VEGFB: variants seen among roughly 807,000 people sequenced by gnomAD.
VEGFB encodes VEGF-related factor.
In VEGFB, 24 loss-of-function variants were observed where a neutral mutation model predicts 22.5. The observed-to-expected ratio is 1.07, with a 90% CI of 0.77 to 1.50. The LOEUF is 1.50. VEGFB is among the 40% of genes most tolerant of loss of function. The probability of loss-of-function intolerance (pLI) is 0.00; values close to 1 mark genes in which losing one functional copy is unlikely to be tolerated. For synonymous variants in VEGFB, 141 were observed against 117.4 expected, an observed-to-expected ratio of 1.20 and a Z score of -1.30; for missense variants, 327 against 287.8, an observed-to-expected ratio of 1.14 and a Z score of -0.99.
intron 1 of VEGFB, 24 bp from the exon 2 acceptor site, chr11:64,235,434 G>GT: frequency 6.2e-7 from 1 of 1,613,226 alleles, no homozygotes; most frequent in Admixed American, 1.7e-5. Context: ...TGTACCTTGG[G>GT]TACAGGTCTT....
At chr11:64,235,559 A>G in intron 2 of VEGFB, 59 bp downstream of exon 2, 1 of 1,539,860 alleles carries the variant, frequency 6.5e-7, no homozygotes, top group Non-Finnish European at 9.0e-7. Context: ...ATGGGCCCTG[A>G]TTCCAGGTGT....
Position 64,234,810 on chromosome 11 carries a change from C to G in VEGFB, c.-24C>G. 7.0e-6 allele frequency: 8 copies of G among 1,139,742 alleles called. No individual in the cohort carries two copies. Among genetic ancestry groups the G allele is most frequent in the Non-Finnish European group, 8.6e-6 (8 of 929,300 alleles). 70.6% of individuals were successfully genotyped at this position (1,139,742 alleles called of 1,614,324 possible). On this transcript the variant is annotated 5_prime_UTR_variant, in exon 1 of 7. Transcript: ENST00000309422. This position sits in a 1 kb window ranked among gnomAD's most constrained non-coding sequence, Gnocchi z 5.3. Reference sequence around the variant, plus strand: ...CGGGCTAGGGCGATGCGGGCGCCCCCGGCGGGCGGCCCCGGCGGGCACCAT... The same window carrying G: ...CGGGCTAGGGCGATGCGGGCGCCCCGGGCGGGCGGCCCCGGCGGGCACCAT...
rs779200061 is a variant in VEGFB, at chr11:64,237,574, G to A, written c.565G>A (p.Gly189Arg). 47 of 1,597,704 alleles carry A rather than the reference G, an allele frequency of 2.9e-5. No homozygotes were observed. In the South Asian group the frequency reaches 3.4e-4, roughly 12 times the overall value. Residue 189 changes from glycine (G) to arginine (R), a missense_variant, in exon 6 of 7, where the codon GGA becomes AGA. Physicochemically the swap from Gly to Arg is moderately radical, Grantham distance 125. Transcript: ENST00000309422. ...APSTTSALTP[G>R]PAAAAADAAA... The stretch of plus-strand genomic sequence containing the variant: ...CAGCACCACCAGCGCCCTGACCCCC[G>A]GACCTGCCGCTGCCGCTGCCGACGC...
intron 5 of VEGFB, 86 bp downstream of exon 5, chr11:64,237,308 G>A (rs190430307): frequency 2.7e-5 from 41 of 1,510,264 alleles, no homozygotes; most frequent in Middle Eastern, 3.5e-4. Flanking sequence ...CCTCCCACCC[G>A]TCCCCCACTT....
At chr11:64,236,437 C>A in intron 4 of VEGFB, 110 bp downstream of exon 4, 2 of 1,103,134 alleles carry the variant, frequency 1.8e-6, no homozygotes, top group Non-Finnish European at 2.6e-6. Context: ...ACCAAGGGGC[C>A]GGGCGTGGTA....
intron 6 of VEGFB, 106 bp from the exon 7 acceptor site, chr11:64,238,250 T>G (rs1184707341): frequency 7.1e-7 from 1 of 1,407,636 alleles, no homozygotes; most frequent in East Asian, 2.5e-5. Context: ...CCGAGTGGTG[T>G]GGCAGGATGC....
rs2030223545 is a variant in VEGFB at position 64,237,925 on chromosome 11, CAG to C, written c.*22+274_*22+275del. The C allele has an allele frequency of 1.2e-5, 6 of 500,922 alleles. No homozygotes were observed. The East Asian group carries it at 1.9e-4, about 16-fold the overall frequency. 31.0% of individuals were successfully genotyped at this position (500,922 alleles called of 1,614,324 possible). A position where few individuals can be genotyped will look rare whatever the true frequency, so the allele number is the denominator to read the frequency against. On this transcript the variant is annotated intron_variant, in intron 6 of 6. Coordinates refer to ENST00000309422, the MANE Select transcript of VEGFB (RefSeq NM_003377.5). ...GTACCTGGCCTCGTCTTTCAGAGGT[CAG>C]AGATCTCTTGGAGGAGGTGACATCT...
rs749512874 is a variant in VEGFB, at chr11:64,239,061, C to A, written c.*728C>A. Among the ~76,000 whole-genome samples, 18 of 152,194 alleles carry A rather than the reference C, an allele frequency of 1.2e-4. No individual in the cohort carries two copies. Among genetic ancestry groups the A allele is most frequent in the Non-Finnish European group, 2.4e-4 (16 of 68,038 alleles). On this transcript the variant is annotated 3_prime_UTR_variant, in exon 7 of 7. Transcript: ENST00000309422. Reference sequence around the variant, plus strand: ...AGGGTTCTTTTCTAGAAGGAGACAGCCTTCTGTGGCCAGAGAGCTTGGGGT... The same window carrying A: ...AGGGTTCTTTTCTAGAAGGAGACAGACTTCTGTGGCCAGAGAGCTTGGGGT...
rs769195081 is a variant in VEGFB at position 64,234,848 on chromosome 11, C to T, written c.15C>T (p.Leu5=). ...CGGCGGGCACCATGAGCCCTCTGCT[C>T]CGCCGCCTGCTGCTCGCCGCACTCC... MSPL[L]RRLLLAALLQ... Residue 5 remains leucine, a synonymous_variant, in exon 1 of 7, where the codon CTC becomes CTT. Coordinates refer to ENST00000309422, the MANE Select transcript of VEGFB (RefSeq NM_003377.5). The surrounding 1 kb of genome is among the most constrained non-coding windows in gnomAD (Gnocchi z 5.3). 1.5e-5 allele frequency: 19 copies of T among 1,279,686 alleles called. No homozygotes were observed. Among genetic ancestry groups the T allele is most frequent in the Admixed American group, 3.5e-5 (1 of 28,862 alleles). The allele number at this position is 1,279,686 out of a possible 1,614,324, so 79.3% of individuals were successfully genotyped here. A position where few individuals can be genotyped will look rare whatever the true frequency, so the allele number is the denominator to read the frequency against.
At position 64,236,339 on chromosome 11, in the gene VEGFB, G is replaced by T. The variant is rs1246136555; in HGVS notation, c.374+12G>T. On this transcript the variant is annotated intron_variant, in intron 4 of 6. Transcript: ENST00000309422. ...CAGTGTGAATGCAGGTGCCAGCCAGGCCCAACTTCTGAGCTCGCAGAGGCC... is the reference window on the plus strand; with the variant it reads ...CAGTGTGAATGCAGGTGCCAGCCAGTCCCAACTTCTGAGCTCGCAGAGGCC... 1 of 1,613,268 alleles carries T rather than the reference G, an allele frequency of 6.2e-7. No homozygotes were observed. The highest frequency in any genetic ancestry group is 2.2e-5 in the East Asian group (1 of 44,892).
intron 6 of VEGFB, 91 bp downstream of exon 6, chr11:64,237,746 G>A (rs913628253): frequency 4.2e-6 from 5 of 1,196,052 alleles, no homozygotes; most frequent in African/African-American, 3.1e-5. Context: ...TAGGAGGAGG[G>A]CCAGGGAAGG....
At position 64,237,563 on chromosome 11, in the gene VEGFB, C is replaced by T. The variant is rs2030198837; in HGVS notation, c.554C>T (p.Ala185Val). The change falls in exon 6 of 7, where the codon GCC (alanine) becomes GTC (valine). Residue 185 changes from alanine to valine, a missense_variant. Physicochemically the swap from Ala to Val is moderately conservative, Grantham distance 64. Transcript: ENST00000309422. ...CACGCTGCACCCAGCACCACCAGCG[C>T]CCTGACCCCCGGACCTGCCGCTGCC... ...SAHAAPSTTS[A>V]LTPGPAAAAA... 1.3e-6 allele frequency: 2 copies of T among 1,598,352 alleles called. No homozygotes were observed.
chr11:64,236,952 A>T lies in VEGFB; in HGVS notation c.375-235A>T, dbSNP rs1013729691. On this transcript the variant is annotated intron_variant, in intron 4 of 6. Coordinates refer to ENST00000309422, the MANE Select transcript of VEGFB (RefSeq NM_003377.5). ...ACAAAAATTAGCCGCGCATGGTGGC[A>T]GGTGCCTGTAATCCCAGCTACTTGG... Among the ~76,000 whole-genome samples the T allele has an allele frequency of 8.2e-5, 12 of 147,218 alleles. No homozygotes were observed. In the East Asian group the frequency reaches 2.3e-3, roughly 28 times the overall value.
rs1368970522 is a variant in VEGFB at position 64,236,235 on chromosome 11, G to C, written c.301-19G>C. ...CTCTCTCTCCCTCACTGTCCCCCCT[G>C]TTCTTCTCCTGAGCACAGATCCTCA... On this transcript the variant is annotated intron_variant, in intron 3 of 6. Transcript: ENST00000309422. The C allele has an allele frequency of 4.3e-6, 7 of 1,613,314 alleles. No individual in the cohort carries two copies. The highest frequency in any genetic ancestry group is 5.1e-6 in the Non-Finnish European group (6 of 1,179,670).
At position 64,237,643 on chromosome 11, in the gene VEGFB, C is replaced by G. The variant is rs781472294; in HGVS notation, c.*10C>G. 6.5e-7 allele frequency: 1 copy of G among 1,533,182 alleles called. No homozygotes were observed. Among genetic ancestry groups the G allele is most frequent in the African/African-American group, 1.4e-5 (1 of 73,230 alleles). The allele number at this position is 1,533,182 out of a possible 1,614,324, so 95.0% of individuals were successfully genotyped here. A position where few individuals can be genotyped will look rare whatever the true frequency, so the allele number is the denominator to read the frequency against. ...CAAGGGCGGGGCTTAGAGCTCAACCCAGACACCTGCAGGTGAGGCGTCTGT... is the reference window on the plus strand; with the variant it reads ...CAAGGGCGGGGCTTAGAGCTCAACCGAGACACCTGCAGGTGAGGCGTCTGT... On this transcript the variant is annotated 3_prime_UTR_variant, in exon 6 of 7. Transcript: ENST00000309422.
chr11:64,237,739 G>A, intron 6 of VEGFB, 84 bp downstream of exon 6: 2 of 1,271,208 alleles, frequency 1.6e-6, no homozygotes, highest in Non-Finnish European at 2.1e-6. Flanking sequence ...CTGCCAGTAG[G>A]AGGAGGGCCA....
chr11:64,234,992 G>A lies in VEGFB; in HGVS notation c.60+99G>A, dbSNP rs921724322. On this transcript the variant is annotated intron_variant, in intron 1 of 6. Transcript: ENST00000309422. The surrounding 1 kb of genome is among the most constrained non-coding windows in gnomAD (Gnocchi z 5.3). The stretch of plus-strand genomic sequence containing the variant: ...CCCGCGGCCTCGGCCGAGGGGATCT[G>A]CGGGGTCCGGCCTTGGACGCGGGCG... 3 of 1,036,260 alleles carry A rather than the reference G, an allele frequency of 2.9e-6. No individual in the cohort carries two copies. Among genetic ancestry groups the A allele is most frequent in the African/African-American group, 1.7e-5 (1 of 59,990 alleles). The allele number at this position is 1,036,260 out of a possible 1,614,324, so 64.2% of individuals were successfully genotyped here.
rs2030187997 is a variant in VEGFB at position 64,237,473 on chromosome 11, C to A, written c.464C>A (p.Ser155Tyr). Residue 155 changes from serine (S) to tyrosine (Y), a missense_variant, in exon 6 of 7, where the codon TCT (serine) becomes TAT (tyrosine). Coordinates refer to ENST00000309422, the MANE Select transcript of VEGFB (RefSeq NM_003377.5). ...PQPRSVPGWD[S>Y]APGAPSPADI... ...CCCCGTTCTGTTCCGGGCTGGGACT[C>A]TGCCCCCGGAGCACCCTCCCCAGCT... 1 of 1,612,202 alleles carries A rather than the reference C, an allele frequency of 6.2e-7. No individual in the cohort carries two copies.
chr11:64,237,068 A>C, intron 4 of VEGFB, 119 bp from the exon 5 acceptor site: 1 of 829,318 alleles, frequency 1.2e-6, no homozygotes. Context: ...GGGCAAGAAG[A>C]GGGAAACACA....
Sources: allele counts gnomAD v4.1 joint callset (sites outside exome capture counted in the v4.1 genomes callset), GRCh38; gene constraint gnomAD v4.1.1; non-coding constraint Gnocchi (gnomAD v3.1); transcripts MANE v1.5; gene names NCBI Gene and HGNC (gene_info 2026-07-23, HGNC 2026-07-21).